The following MAPKBP1 variants were observed in gnomAD, a reference collection of about 807,000 sequenced individuals.
MAPKBP1 encodes the protein mitogen-activated protein kinase binding protein 1.
In MAPKBP1, 71 loss-of-function variants were observed where a neutral mutation model predicts 170.5. That is an observed-to-expected ratio of 0.42 (90% confidence interval 0.34 to 0.51). The LOEUF (loss-of-function observed/expected upper bound fraction) is 0.51, where lower values mean the gene tolerates loss of function less well. MAPKBP1 is among the 20% of genes least tolerant of loss of function. MAPKBP1 has a pLI of 0.06. For synonymous variants in MAPKBP1, 719 were observed against 757.9 expected, an observed-to-expected ratio of 0.95 and a Z score of 0.84; for missense variants, 1,598 against 1,933.0, an observed-to-expected ratio of 0.83 and a Z score of 3.25.
Position 41,822,697 on chromosome 15 carries a change from C to T in MAPKBP1, c.3314+20C>T, listed in dbSNP as rs200211721. ...ACTCAGGTACAGAGGCCCCCTACCC[C>T]CCAGCAGCAGCTCTGGCTCTCCTCG... is the stretch of plus-strand genomic sequence containing the variant. On this transcript the variant is annotated intron_variant, in intron 27 of 30. Coordinates refer to ENST00000457542, the MANE Select transcript of MAPKBP1 (RefSeq NM_014994.3). The T allele has an allele frequency of 2.4e-5, 39 of 1,613,300 alleles. No homozygotes were observed. Among genetic ancestry groups the T allele is most frequent in the Admixed American group, 1.2e-4 (7 of 59,972 alleles).
At chr15:41,785,114 A>T (rs906521558) in intron 2 of MAPKBP1, among the ~76,000 whole-genome samples, 1 of 152,186 alleles carries the variant, frequency 6.6e-6, no homozygotes, top group African/African-American at 2.4e-5. Context: ...TGCTAATACT[A>T]TCAGTGTCTG....
At position 41,811,535 on chromosome 15, in the gene MAPKBP1, A is replaced by T. The variant is rs984191720; in HGVS notation, c.327+300A>T. ...CCAGAGAGTGCTGATCCTGCTGGTGAAGGAAGCGTGCTTTGGAAACCACTG... is the reference window on the plus strand; with the variant it reads ...CCAGAGAGTGCTGATCCTGCTGGTGTAGGAAGCGTGCTTTGGAAACCACTG... On this transcript the variant is annotated intron_variant, in intron 5 of 30. Coordinates refer to ENST00000457542, the MANE Select transcript of MAPKBP1 (RefSeq NM_014994.3). 2.6e-5 allele frequency: 17 copies of T among 654,558 alleles called. No individual in the cohort carries two copies. In the African/African-American group the frequency reaches 2.7e-4, roughly 10 times the overall value. 40.5% of individuals were successfully genotyped at this position (654,558 alleles called of 1,614,324 possible).
intron 8 of MAPKBP1, chr15:41,813,383 C>G (rs1376230998): frequency 6.6e-7 from 1 of 1,521,212 alleles, no homozygotes; most frequent in East Asian, 2.3e-5. Context: ...CTTTCTCATG[C>G]TATTTCTTTC....
chr15:41,801,780 G>A (rs1237850949), intron 3 of MAPKBP1, among the ~76,000 whole-genome samples: 1 of 152,080 alleles, frequency 6.6e-6, no homozygotes, highest in Admixed American at 6.6e-5. Flanking sequence ...AACCCAGGAG[G>A]TGGAGGTTGC....
Position 41,784,674 on chromosome 15 carries a change from C to T in MAPKBP1, c.114+9285C>T, listed in dbSNP as rs1244210110. ...GCGCACACCTGTAGTCCCAGCTACT[C>T]GGGAGGCTGAGGGAGGAGAATTGCT... On this transcript the variant is annotated intron_variant, in intron 2 of 30. Transcript: ENST00000457542. Among the ~76,000 whole-genome samples, 4 of 149,376 alleles carry T rather than the reference C, an allele frequency of 2.7e-5. 1 individual carries two copies. The highest frequency in any genetic ancestry group is 2.0e-4 in the Admixed American group (3 of 14,674).
At position 41,817,451 on chromosome 15, in the gene MAPKBP1, C is replaced by T. The variant is rs1480615899; in HGVS notation, c.1775C>T (p.Ala592Val). Residue 592 changes from alanine (A) to valine (V), a missense_variant, in exon 15 of 31, where the codon GCG becomes GTG. This residue lies in a region of MAPKBP1 where 430 missense variants were observed against 617.2 expected (regional missense o/e 0.70). Coordinates refer to ENST00000457542, the MANE Select transcript of MAPKBP1 (RefSeq NM_014994.3). This position sits in a 1 kb window ranked among gnomAD's most constrained non-coding sequence, Gnocchi z 4.2. ...GACAAGAGCATCTACTTCCGCACTG[C>T]GCAGAAGGTGAGGGCGCTGGGCTTT... ...GADKSIYFRT[A>V]QKSGDGVQFT... The T allele has an allele frequency of 3.1e-6, 5 of 1,613,464 alleles. No homozygotes were observed. The highest frequency in any genetic ancestry group is 2.5e-6 in the Non-Finnish European group (3 of 1,179,712).
intron 5 of MAPKBP1, chr15:41,811,696 C>T: frequency 1.5e-6 from 1 of 664,410 alleles, no homozygotes; most frequent in East Asian, 3.0e-5. Flanking sequence ...CCATCAGAAC[C>T]ATTCAGGGAG....
intron 21 of MAPKBP1, 38 bp from the exon 22 acceptor site, chr15:41,819,557 G>GCCCCC: frequency 1.4e-6 from 2 of 1,384,600 alleles, no homozygotes; most frequent in Non-Finnish European, 2.0e-6. Context: ...CGGGGGGGGG[G>GCCCCC]CAGGAGACAC....
At chr15:41,819,468 T>C in intron 21 of MAPKBP1, 89 bp downstream of exon 21, 1 of 1,591,560 alleles carries the variant, frequency 6.3e-7, no homozygotes, top group South Asian at 1.1e-5. Flanking sequence ...GTGAGAGCAG[T>C]GTGAGCTGAG....
At chr15:41,778,840 T>C (rs1445938580) in intron 2 of MAPKBP1, among the ~76,000 whole-genome samples, 2 of 152,200 alleles carry the variant, frequency 1.3e-5, no homozygotes, top group Non-Finnish European at 2.9e-5. Flanking sequence ...AGATTTAAGT[T>C]AGGGTTACAA....
rs2065101088 is a variant in MAPKBP1, at chr15:41,826,593, C to T, written c.*1157C>T. 3 of 151,758 alleles carry T rather than the reference C, an allele frequency of 2.0e-5. No individual in the cohort carries two copies. In the South Asian group the frequency reaches 6.2e-4, roughly 32 times the overall value. The allele number at this position is 151,758 out of a possible 1,614,324, so 9.4% of individuals were successfully genotyped here. The stretch of plus-strand genomic sequence containing the variant: ...GATTCTGGATTCTTGGTGTCCACAG[C>T]CTAGCTGATACGAGATAGCCCATAG... On this transcript the variant is annotated 3_prime_UTR_variant, in exon 31 of 31. Transcript: ENST00000457542.
chr15:41,796,722 G>A (rs985774932), intron 2 of MAPKBP1, among the ~76,000 whole-genome samples: 2 of 152,154 alleles, frequency 1.3e-5, no homozygotes. Flanking sequence ...TCCTAGTGCG[G>A]AAGTATGTTC....
At position 41,799,921 on chromosome 15, in the gene MAPKBP1, A is replaced by G. The variant is rs960587090; in HGVS notation, c.206+7A>G. The G allele has an allele frequency of 1.9e-6, 3 of 1,613,676 alleles. No homozygotes were observed. The highest frequency in any genetic ancestry group is 2.5e-6 in the Non-Finnish European group (3 of 1,179,692). Reference sequence around the variant, plus strand: ...TAGTTGCTTACCCAGCAGGGTAAGTAAGCGCCTTGGAAGAGATCTTGATGC... The same window carrying G: ...TAGTTGCTTACCCAGCAGGGTAAGTGAGCGCCTTGGAAGAGATCTTGATGC... On this transcript the variant is annotated splice_region_variant and intron_variant, in intron 3 of 30. Transcript: ENST00000457542.
intron 3 of MAPKBP1, among the ~76,000 whole-genome samples, chr15:41,806,261 G>A (rs1228699344): frequency 2.6e-5 from 4 of 152,222 alleles, no homozygotes; most frequent in African/African-American, 9.6e-5. Flanking sequence ...AGTGACGGAG[G>A]TAGGGTTGTA....
rs544119194 is a variant in MAPKBP1 at position 41,823,169 on chromosome 15, G to C, written c.3545G>C (p.Ser1182Thr). The C allele has an allele frequency of 1.7e-5, 27 of 1,613,532 alleles. No homozygotes were observed. The highest frequency in any genetic ancestry group is 2.2e-5 in the Non-Finnish European group (26 of 1,180,038). ...GCTCCCAAGAGAGTGGCCACAGCCA[G>C]CCCCTTTTCTGGACTCCAGAAGGCC... is the stretch of plus-strand genomic sequence containing the variant. The part of the protein sequence containing the change: ...SWAPKRVATA[S>T]PFSGLQKAQS... Residue 1182 changes from serine to threonine, a missense_variant, in exon 28 of 31, where the codon AGC becomes ACC. Ser to Thr is a moderately conservative substitution (Grantham distance 58, BLOSUM62 1). Coordinates refer to ENST00000457542, the MANE Select transcript of MAPKBP1 (RefSeq NM_014994.3).
At chr15:41,793,623 C>G (rs2064434273) in intron 2 of MAPKBP1, among the ~76,000 whole-genome samples, 1 of 152,220 alleles carries the variant, frequency 6.6e-6, no homozygotes, top group African/African-American at 2.4e-5. Flanking sequence ...CAGAAGCTCT[C>G]TGTTGTCCTT....
rs1369894471 is a variant in MAPKBP1, at chr15:41,825,531, G to T, written c.*95G>T. 17 of 1,127,016 alleles carry T rather than the reference G, an allele frequency of 1.5e-5. No individual in the cohort carries two copies. Among genetic ancestry groups the T allele is most frequent in the Non-Finnish European group, 1.8e-5 (14 of 798,934 alleles). The allele number at this position is 1,127,016 out of a possible 1,614,324, so 69.8% of individuals were successfully genotyped here. Reference sequence around the variant, plus strand: ...CAAAACCTGCGGGGCTGCTTGGAGTGGAAAGCAGGGAGCAGTGTTCAGAGG... The same window carrying T: ...CAAAACCTGCGGGGCTGCTTGGAGTTGAAAGCAGGGAGCAGTGTTCAGAGG... On this transcript the variant is annotated 3_prime_UTR_variant, in exon 31 of 31. Coordinates refer to ENST00000457542, the MANE Select transcript of MAPKBP1 (RefSeq NM_014994.3).
At chr15:41,824,462 G>A in intron 29 of MAPKBP1, 22 bp from the exon 30 acceptor site, 2 of 1,569,692 alleles carry the variant, frequency 1.3e-6, no homozygotes, top group Non-Finnish European at 8.6e-7. Flanking sequence ...GGGCCTCACT[G>A]AGCTGTATCC....
intron 5 of MAPKBP1, chr15:41,811,492 T>G (rs907789284): frequency 2.9e-6 from 2 of 686,148 alleles, no homozygotes; most frequent in Non-Finnish European, 5.3e-6. Flanking sequence ...GTCTGAAATG[T>G]GCATTTGTAA....
Sources: allele counts gnomAD v4.1 joint callset (sites outside exome capture counted in the v4.1 genomes callset), GRCh38; gene constraint gnomAD v4.1.1; regional missense constraint gnomAD v4.1.1; non-coding constraint Gnocchi (gnomAD v3.1); transcripts MANE v1.5; gene names NCBI Gene and HGNC (gene_info 2026-07-23, HGNC 2026-07-21).